Variants in SYNDIG1 observed in about 807,000 individuals in gnomAD.
SYNDIG1 encodes the protein synapse differentiation-inducing gene protein 1.
SYNDIG1 carries 9 observed loss-of-function variants against 19.4 expected under a neutral mutation model. The observed-to-expected ratio is 0.46, with a 90% CI of 0.28 to 0.81. The LOEUF (loss-of-function observed/expected upper bound fraction) is 0.81. Ranked by LOEUF, SYNDIG1 falls within the 30% of genes least tolerant of loss-of-function variation. SYNDIG1 has a pLI of 0.12. For missense variants in SYNDIG1, 311 were observed against 343.3 expected (o/e 0.91, Z 0.74); for synonymous variants, 141 against 145.9 (o/e 0.97, Z 0.24).
At position 24,616,388 on chromosome 20, in the gene SYNDIG1, G is replaced by A. The variant is rs115577277; in HGVS notation, c.618+31395G>A. Among the ~76,000 whole-genome samples the A allele has an allele frequency of 5.0e-3, 761 of 152,276 alleles. 4 individuals carry two copies. The highest frequency in any genetic ancestry group is 6.6e-3 in the Non-Finnish European group (448 of 68,024). On this transcript the variant is annotated intron_variant, in intron 3 of 3. Coordinates refer to ENST00000376862, the MANE Select transcript of SYNDIG1 (RefSeq NM_024893.3). Reference sequence around the variant, plus strand: ...TTCACCAAGGCCTTTCCAGGGGCTCGCGCCCCTCCTCCACCTGCATCCTCC... The same window carrying A: ...TTCACCAAGGCCTTTCCAGGGGCTCACGCCCCTCCTCCACCTGCATCCTCC...
At chr20:24,523,688 G>A (rs2057055350) in intron 1 of SYNDIG1, among the ~76,000 whole-genome samples, 1 of 152,174 alleles carries the variant, frequency 6.6e-6, no homozygotes, top group African/African-American at 2.4e-5. Flanking sequence ...TATTTGGACC[G>A]ATGGAGTTCC....
intron 3 of SYNDIG1, 137 bp from the exon 4 acceptor site, chr20:24,665,209 G>A: frequency 1.9e-6 from 2 of 1,073,866 alleles, no homozygotes; most frequent in East Asian, 2.4e-5. Context: ...CATAGCAGGG[G>A]TGAGCACAGT....
chr20:24,625,240 G>A (rs2059105276), intron 3 of SYNDIG1, among the ~76,000 whole-genome samples: 2 of 152,220 alleles, frequency 1.3e-5, no homozygotes, highest in South Asian at 4.2e-4. Flanking sequence ...AAAACCAAAT[G>A]TCAGTTCTTT....
At chr20:24,549,918 C>T (rs993806469) in intron 2 of SYNDIG1, among the ~76,000 whole-genome samples, 2 of 152,284 alleles carry the variant, frequency 1.3e-5, no homozygotes, top group African/African-American at 2.4e-5. Flanking sequence ...AAACTCCTCT[C>T]GGCATTCAGA....
In SYNDIG1 at chr20:24,475,939, C is replaced by A. The variant is rs533952133; in HGVS notation, c.-79+6186C>A. On this transcript the variant is annotated intron_variant, in intron 1 of 3. Transcript: ENST00000376862. Reference sequence around the variant, plus strand: ...GCAGTGGCACAATCTCAGCTTACTGCAACCTCCGCCTCCCGGGTTCAAGCG... The same window carrying A: ...GCAGTGGCACAATCTCAGCTTACTGAAACCTCCGCCTCCCGGGTTCAAGCG... 3.3e-5 allele frequency among the ~76,000 whole-genome samples: 5 copies of A among 151,868 alleles called. No individual in the cohort carries two copies. The South Asian group carries it at 1.0e-3, about 32-fold the overall frequency.
chr20:24,588,635 A>C (rs1262503974), intron 3 of SYNDIG1, among the ~76,000 whole-genome samples: 1 of 152,124 alleles, frequency 6.6e-6, no homozygotes, highest in Non-Finnish European at 1.5e-5. Flanking sequence ...CCTGTGCTGC[A>C]GTCTCGGCTG....
chr20:24,576,816 G>A (rs765563635), intron 2 of SYNDIG1, among the ~76,000 whole-genome samples: 9 of 151,996 alleles, frequency 5.9e-5, no homozygotes, highest in African/African-American at 9.7e-5. Context: ...CAGCATGGAC[G>A]TCCGTAAGGA....
chr20:24,556,892 G>C (rs921030366), intron 2 of SYNDIG1, among the ~76,000 whole-genome samples: 2 of 152,176 alleles, frequency 1.3e-5, no homozygotes, highest in Non-Finnish European at 2.9e-5. Context: ...ATAATATCCT[G>C]CAGAGTGTTT....
chr20:24,561,164 G>T (rs531842462), intron 2 of SYNDIG1, among the ~76,000 whole-genome samples: 1 of 152,166 alleles, frequency 6.6e-6, no homozygotes, highest in Admixed American at 6.5e-5. Flanking sequence ...GTGTGCTTTG[G>T]ACAATGCATT....
intron 3 of SYNDIG1, among the ~76,000 whole-genome samples, chr20:24,664,214 G>T (rs1039524597): frequency 3.3e-5 from 5 of 152,172 alleles, no homozygotes; most frequent in African/African-American, 1.2e-4. Context: ...GGAAGATGCA[G>T]GTTCACGTCA....
chr20:24,643,443 C>G (rs974474852), intron 3 of SYNDIG1, among the ~76,000 whole-genome samples: 2 of 151,584 alleles, frequency 1.3e-5, no homozygotes, highest in Non-Finnish European at 2.9e-5. Context: ...GCTAGAGTGC[C>G]GTGTTCATGA....
At chr20:24,585,056 G>GGCCCC in intron 3 of SYNDIG1, 63 bp downstream of exon 3, 5 of 545,622 alleles carry the variant, frequency 9.2e-6, no homozygotes, top group Non-Finnish European at 1.7e-5. Flanking sequence ...GGTGGGGGCG[G>GGCCCC]CAATCCCAGC....
intron 1 of SYNDIG1, among the ~76,000 whole-genome samples, chr20:24,480,371 G>A (rs1312789779): frequency 2.0e-5 from 3 of 152,078 alleles, no homozygotes; most frequent in African/African-American, 7.2e-5. Flanking sequence ...ATTTTTTTCA[G>A]TGAAGAAATG....
chr20:24,606,159 C>G lies in SYNDIG1; in HGVS notation c.618+21166C>G, dbSNP rs566501923. Reference sequence around the variant, plus strand: ...ATGATCCAACAATGTGCTGGTTGATCACAGAGGCACTGGAGCATCATTGCA... The same window carrying G: ...ATGATCCAACAATGTGCTGGTTGATGACAGAGGCACTGGAGCATCATTGCA... On this transcript the variant is annotated intron_variant, in intron 3 of 3. Coordinates refer to ENST00000376862, the MANE Select transcript of SYNDIG1 (RefSeq NM_024893.3). Among the ~76,000 whole-genome samples, 11 of 152,344 alleles carry G rather than the reference C, an allele frequency of 7.2e-5. No individual in the cohort carries two copies. In the Middle Eastern group the frequency reaches 0.017, roughly 236 times the overall value.
At chr20:24,520,693 CAA>C (rs11475871) in intron 1 of SYNDIG1, among the ~76,000 whole-genome samples, 10,445 of 144,840 alleles carry the variant, frequency 0.072, 410 homozygotes, top group Non-Finnish European at 0.083. Context: ...AACTCTGTCT[CAA>C]AAAAAAAAAA....
At chr20:24,569,945 T>C (rs1176870824) in intron 2 of SYNDIG1, among the ~76,000 whole-genome samples, 1 of 152,246 alleles carries the variant, frequency 6.6e-6, no homozygotes, top group Non-Finnish European at 1.5e-5. Context: ...GTCTGTTGTA[T>C]CTATTTGAAG....
At chr20:24,513,360 G>C (rs532834014) in intron 1 of SYNDIG1, among the ~76,000 whole-genome samples, 1 of 152,314 alleles carries the variant, frequency 6.6e-6, no homozygotes, top group East Asian at 1.9e-4. Flanking sequence ...CCAATGCGAA[G>C]AAGCTAAAAA....
intron 3 of SYNDIG1, among the ~76,000 whole-genome samples, chr20:24,632,764 A>G (rs1437579760): frequency 6.6e-6 from 1 of 152,196 alleles, no homozygotes; most frequent in Non-Finnish European, 1.5e-5. Context: ...CTGGAGGGAT[A>G]AAGAGACCTG....
At chr20:24,521,333 G>C (rs2056998593) in intron 1 of SYNDIG1, among the ~76,000 whole-genome samples, 1 of 151,948 alleles carries the variant, frequency 6.6e-6, no homozygotes. Context: ...TAAGAGACAG[G>C]GCCTTACTCT....
Sources: gnomAD v4.1 joint callset for allele counts (sites outside exome capture counted in the v4.1 genomes callset) on GRCh38, gnomAD v4.1.1 for gene constraint, MANE v1.5 for transcripts, NCBI Gene and HGNC (gene_info 2026-07-23, HGNC 2026-07-21) for gene names.